Variants in TNR observed in about 807,000 individuals in gnomAD.
The protein encoded by TNR is tenascin-R.
TNR carries 45 observed loss-of-function variants against 150.4 expected under a neutral mutation model. The observed-to-expected ratio is 0.30, with a 90% CI of 0.24 to 0.38. The LOEUF is 0.38. Ranked by LOEUF, TNR falls within the 10% of genes least tolerant of loss-of-function variation. The pLI, the probability that TNR is intolerant of heterozygous loss-of-function variation, is 1.00. For missense variants in TNR, 1,544 were observed against 1,759.1 expected, an observed-to-expected ratio of 0.88 and a Z score of 2.19; for synonymous variants, 687 against 678.4, an observed-to-expected ratio of 1.01 and a Z score of -0.20.
rs558352113 is a variant in TNR at position 175,529,485 on chromosome 1, G to A, written c.-164-1116C>T. 5.3e-5 allele frequency among the ~76,000 whole-genome samples: 8 copies of A among 152,322 alleles called. No individual in the cohort carries two copies. In the South Asian group the frequency reaches 1.7e-3, roughly 32 times the overall value. On this transcript the variant is annotated intron_variant, in intron 1 of 22. Coordinates refer to ENST00000367674, the MANE Select transcript of TNR (RefSeq NM_003285.3). ...CCACTGTGGCTGCCTGGCGAGTGGG[G>A]ACAATAATTCTGAGGTGGCATCACA...
At chr1:175,406,920 T>A in intron 2 of TNR, 143 bp from the exon 3 acceptor site, 3 of 628,214 alleles carry the variant, frequency 4.8e-6, no homozygotes, top group Non-Finnish European at 8.2e-6. Context: ...GCTGCCAATG[T>A]CATAAAGGCC....
intron 1 of TNR, among the ~76,000 whole-genome samples, chr1:175,688,837 C>T (rs142409767): frequency 1.4e-3 from 207 of 152,372 alleles, no homozygotes; most frequent in Admixed American, 2.9e-3. Context: ...TTTCTGCCCT[C>T]TCAGAGAGTT....
chr1:175,363,903 G>A, intron 12 of TNR, 76 bp from the exon 13 acceptor site: 1 of 1,527,778 alleles, frequency 6.5e-7, no homozygotes, highest in Non-Finnish European at 8.8e-7. Context: ...CTGGTTTTAT[G>A]TTGACCAAAA....
chr1:175,573,622 T>A (rs1661977087), intron 1 of TNR, among the ~76,000 whole-genome samples: 1 of 152,240 alleles, frequency 6.6e-6, no homozygotes, highest in Non-Finnish European at 1.5e-5. Context: ...ATGATAGATG[T>A]TGCTAAAGAA....
chr1:175,550,320 A>G (rs556426336), intron 1 of TNR, among the ~76,000 whole-genome samples: 1 of 152,288 alleles, frequency 6.6e-6, no homozygotes, highest in African/African-American at 2.4e-5. Flanking sequence ...CTACCCAGCC[A>G]AACAACTTTC....
At chr1:175,347,342 A>G (rs984754566) in intron 18 of TNR, among the ~76,000 whole-genome samples, 8 of 152,096 alleles carry the variant, frequency 5.3e-5, no homozygotes, top group African/African-American at 1.9e-4. Flanking sequence ...AACAAACACT[A>G]TTTGTGTTTA....
chr1:175,405,198 G>A (rs1051304107), intron 3 of TNR, among the ~76,000 whole-genome samples: 1 of 152,228 alleles, frequency 6.6e-6, no homozygotes, highest in Non-Finnish European at 1.5e-5. Flanking sequence ...GCACAAAGGG[G>A]TACAGATACA....
At chr1:175,637,209 T>C (rs1214504998) in intron 1 of TNR, among the ~76,000 whole-genome samples, 2 of 152,242 alleles carry the variant, frequency 1.3e-5, no homozygotes, top group Non-Finnish European at 2.9e-5. Flanking sequence ...TCCAGTATCC[T>C]GAGTTCTAAT....
At position 175,359,677 on chromosome 1, in the gene TNR, A is replaced by T; in HGVS notation, c.2909T>A (p.Leu970Gln). 1 of 1,613,966 alleles carries T rather than the reference A, an allele frequency of 6.2e-7. No individual in the cohort carries two copies. The highest frequency in any genetic ancestry group is 1.1e-5 in the South Asian group (1 of 91,062). The change falls in exon 15 of 23, where the codon CTG becomes CAG. Residue 970 changes from leucine to glutamine, a missense_variant. Around this residue, in one of 2 missense-constraint regions of TNR, gnomAD observed 1,254 missense variants for 1,329.4 expected, o/e 0.94. Coordinates refer to ENST00000367674, the MANE Select transcript of TNR (RefSeq NM_003285.3). ...IATNITPTEA[L>Q]LQWKAPVGEV... is the part of the protein sequence containing the mutation. ...ACCCACTGGTGCCTTCCACTGCAGCAGGGCTTCTGTTGGAGTGATATTGGT... is the reference window on the plus strand; with the variant it reads ...ACCCACTGGTGCCTTCCACTGCAGCTGGGCTTCTGTTGGAGTGATATTGGT...
At chr1:175,540,776 T>C (rs983533128) in intron 1 of TNR, among the ~76,000 whole-genome samples, 2 of 152,108 alleles carry the variant, frequency 1.3e-5, no homozygotes, top group African/African-American at 4.8e-5. Context: ...ACCTCCTTTC[T>C]CCTCACTGGG....
intron 19 of TNR, 52 bp downstream of exon 19, chr1:175,337,475 AG>A: frequency 6.2e-7 from 1 of 1,607,358 alleles, no homozygotes; most frequent in Admixed American, 1.7e-5. Flanking sequence ...TGAGCTAGGT[AG>A]ACTAGAACAC....
intron 1 of TNR, among the ~76,000 whole-genome samples, chr1:175,538,105 C>T (rs1348786113): frequency 6.6e-6 from 1 of 152,090 alleles, no homozygotes; most frequent in Non-Finnish European, 1.5e-5. Context: ...AGGAGCAGGC[C>T]AAGATGTCGG....
At chr1:175,672,725 G>T (rs1376865657) in intron 1 of TNR, among the ~76,000 whole-genome samples, 1 of 152,216 alleles carries the variant, frequency 6.6e-6, no homozygotes, top group East Asian at 1.9e-4. Context: ...GAGACCTGGG[G>T]TCCCACTGTT....
rs1664704695 is a variant in TNR at position 175,642,797 on chromosome 1, G to A, written c.-165+100429C>T. On this transcript the variant is annotated intron_variant, in intron 1 of 22. Coordinates refer to ENST00000367674, the MANE Select transcript of TNR (RefSeq NM_003285.3). ...AAATAAAAAATTAGCCAGGCGCAGT[G>A]GCATGTATCTGTAATTCCAGCTACT... Among the ~76,000 whole-genome samples, 3 of 152,142 alleles carry A rather than the reference G, an allele frequency of 2.0e-5. No individual in the cohort carries two copies. In the South Asian group the frequency reaches 6.2e-4, roughly 32 times the overall value.
chr1:175,705,235 G>A (rs1031760961), intron 1 of TNR, among the ~76,000 whole-genome samples: 3 of 152,132 alleles, frequency 2.0e-5, no homozygotes, highest in African/African-American at 7.2e-5. Flanking sequence ...GCTGACTTCA[G>A]GAAATTGAAG....
At chr1:175,559,859 C>A (rs1661352341) in intron 1 of TNR, among the ~76,000 whole-genome samples, 1 of 152,152 alleles carries the variant, frequency 6.6e-6, no homozygotes, top group African/African-American at 2.4e-5. Context: ...TTTAGCTCCA[C>A]CAGTCATTGC....
At chr1:175,561,298 T>G (rs1469037910) in intron 1 of TNR, among the ~76,000 whole-genome samples, 1 of 152,164 alleles carries the variant, frequency 6.6e-6, no homozygotes, top group African/African-American at 2.4e-5. Context: ...TTCTCTCCTA[T>G]CTCTTCAGAA....
chr1:175,456,145 G>A lies in TNR; in HGVS notation c.-63-49368C>T, dbSNP rs184482378. ...AGCTTTCCTGATGACTCCTGAATAC[G>A]CCAGGCAAGTTTCTGCCCCAGCCCC... On this transcript the variant is annotated intron_variant, in intron 2 of 22. Coordinates refer to ENST00000367674, the MANE Select transcript of TNR (RefSeq NM_003285.3). Among the ~76,000 whole-genome samples, 82 of 152,220 alleles carry A rather than the reference G, an allele frequency of 5.4e-4. 1 individual carries two copies. The East Asian group carries it at 0.014, about 25-fold the overall frequency.
At chr1:175,548,143 C>T (rs936772812) in intron 1 of TNR, among the ~76,000 whole-genome samples, 5 of 152,134 alleles carry the variant, frequency 3.3e-5, no homozygotes, top group East Asian at 1.9e-4. Flanking sequence ...ACAACTGAGG[C>T]GGCTCTTACG....
Sources: allele counts gnomAD v4.1 joint callset (sites outside exome capture counted in the v4.1 genomes callset), GRCh38; gene constraint gnomAD v4.1.1; regional missense constraint gnomAD v4.1.1; transcripts MANE v1.5; gene names NCBI Gene and HGNC (gene_info 2026-07-23, HGNC 2026-07-21).